The following IPO13 variants were observed in gnomAD, a reference collection of about 807,000 sequenced individuals.
IPO13 encodes importin-13.
In IPO13, 28 loss-of-function variants were observed where a neutral mutation model predicts 115.5. That is an observed-to-expected ratio of 0.24 (90% CI 0.18 to 0.33). IPO13 has a LOEUF of 0.33. Ranked by LOEUF, IPO13 falls within the 10% of genes least tolerant of loss-of-function variation. The pLI is 1.00. For missense variants in IPO13, 785 were observed against 1,204.6 expected, an observed-to-expected ratio of 0.65 and a Z score of 5.16; for synonymous variants, 414 against 478.9, an observed-to-expected ratio of 0.86 and a Z score of 1.77.
chr1:43,958,373 CTGTTT>C lies in IPO13; in HGVS notation c.1750-86_1750-82del. The C allele has an allele frequency of 6.2e-7, 1 of 1,608,898 alleles. No individual in the cohort carries two copies. The highest frequency in any genetic ancestry group is 1.1e-5 in the South Asian group (1 of 90,888). On this transcript the variant is annotated intron_variant, in intron 9 of 19. Transcript: ENST00000372343. The surrounding 1 kb of genome is among the most constrained non-coding windows in gnomAD (Gnocchi z 6.3). ...TCCCCTTCCTCTTATCCCTTATTCT[CTGTTT>C]TTCTTCTCCCAAGAGGCTCATTTTC...
At chr1:43,960,454 A>G (rs2085281968) in intron 12 of IPO13, 125 bp downstream of exon 12, 1 of 848,592 alleles carries the variant, frequency 1.2e-6, no homozygotes, top group African/African-American at 1.7e-5. Flanking sequence ...ATCCTGCCCC[A>G]TAGAGATAAG....
Position 43,956,258 on chromosome 1 carries a change from C to T in IPO13, c.822-62C>T, listed in dbSNP as rs540383497. Reference sequence around the variant, plus strand: ...GAAGACAAGGAGATTATGCCTTTCTCTTAAAGCCAGTGTGGGGTTGAGCAG... The same window carrying T: ...GAAGACAAGGAGATTATGCCTTTCTTTTAAAGCCAGTGTGGGGTTGAGCAG... On this transcript the variant is annotated intron_variant, in intron 2 of 19. Transcript: ENST00000372343. The surrounding 1 kb of genome is among the most constrained non-coding windows in gnomAD (Gnocchi z 4.7). 9.4e-6 allele frequency: 15 copies of T among 1,589,538 alleles called. No homozygotes were observed. The highest frequency in any genetic ancestry group is 1.2e-5 in the Non-Finnish European group (14 of 1,162,262).
At chr1:43,950,469 C>G (rs961877992) in intron 2 of IPO13, among the ~76,000 whole-genome samples, 1 of 152,194 alleles carries the variant, frequency 6.6e-6, no homozygotes, top group Non-Finnish European at 1.5e-5. Context: ...TTGCTACCAC[C>G]TTAGTCCAAG....
Position 43,958,481 on chromosome 1 carries a change from G to C in IPO13, c.1770G>C (p.Leu590=), listed in dbSNP as rs149195232. 113 of 1,614,036 alleles carry C rather than the reference G, an allele frequency of 7.0e-5. No homozygotes were observed. Among genetic ancestry groups the C allele is most frequent in the Non-Finnish European group, 9.2e-5 (109 of 1,180,038 alleles). Reference sequence around the variant, plus strand: ...CACAGACAAGCCAGTGCATGTGGCTGATGCAGGCGCTGGGCTTCCTGCTGT... The same window carrying C: ...CACAGACAAGCCAGTGCATGTGGCTCATGCAGGCGCTGGGCTTCCTGCTGT... The part of the protein sequence containing the change: ...QIHKTSQCMW[L]MQALGFLLSA... Residue 590 remains leucine, a synonymous_variant, in exon 10 of 20, where the codon CTG becomes CTC. Transcript: ENST00000372343. This position sits in a 1 kb window ranked among gnomAD's most constrained non-coding sequence, Gnocchi z 6.3.
intron 15 of IPO13, among the ~76,000 whole-genome samples, chr1:43,964,720 C>T (rs2085310760): frequency 6.6e-6 from 1 of 152,134 alleles, no homozygotes; most frequent in African/African-American, 2.4e-5. Context: ...GCCTCAGTGC[C>T]CCCAGCCTGC....
At chr1:43,964,235 T>A in intron 14 of IPO13, 34 bp from the exon 15 acceptor site, 1 of 1,516,778 alleles carries the variant, frequency 6.6e-7, no homozygotes, top group Non-Finnish European at 9.1e-7. Context: ...GTTTGTATAA[T>A]TTTTTCTTAA....
In IPO13 at chr1:43,958,418, A is replaced by G. The variant is rs1311976200; in HGVS notation, c.1750-43A>G. ...GGCTCATTTTCCTTCCTACCCCACA[A>G]CTAGATGTGGCCAGGACTGACCATC... On this transcript the variant is annotated intron_variant, in intron 9 of 19. Coordinates refer to ENST00000372343, the MANE Select transcript of IPO13 (RefSeq NM_014652.4). This position sits in a 1 kb window ranked among gnomAD's most constrained non-coding sequence, Gnocchi z 6.3. 1 of 1,612,354 alleles carries G rather than the reference A, an allele frequency of 6.2e-7. No homozygotes were observed. The highest frequency in any genetic ancestry group is 2.2e-5 in the East Asian group (1 of 44,862).
intron 1 of IPO13, among the ~76,000 whole-genome samples, chr1:43,949,151 T>C (rs758220714): frequency 6.6e-6 from 1 of 152,230 alleles, no homozygotes; most frequent in Non-Finnish European, 1.5e-5. Flanking sequence ...TCCTCTTTTT[T>C]GCTTTCCTGT....
At chr1:43,961,101 A>G (rs1571770050) in intron 13 of IPO13, 65 bp from the exon 14 acceptor site, 1 of 1,607,576 alleles carries the variant, frequency 6.2e-7, no homozygotes. Context: ...CTTGCATTCC[A>G]GGGATATTGC....
chr1:43,957,134 T>C (rs2085256409), intron 5 of IPO13, 61 bp from the exon 6 acceptor site: 1 of 1,592,448 alleles, frequency 6.3e-7, no homozygotes, highest in Non-Finnish European at 8.6e-7. Context: ...GCTCCTGGGC[T>C]TGGGGGCAGG....
intron 11 of IPO13, among the ~76,000 whole-genome samples, chr1:43,959,670 C>T (rs1302469214): frequency 2.0e-5 from 3 of 152,214 alleles, no homozygotes; most frequent in Non-Finnish European, 4.4e-5. Context: ...CTCTGCTTAA[C>T]TCCCCAACCC....
rs545259245 is a variant in IPO13, at chr1:43,958,944, C to G, written c.2028+55C>G. ...TTTGTCTTTGCCATCCCCCCAACCC[C>G]CACCTGTGGGAATGTCATTGTCACT... On this transcript the variant is annotated intron_variant, in intron 11 of 19. Transcript: ENST00000372343. This position sits in a 1 kb window ranked among gnomAD's most constrained non-coding sequence, Gnocchi z 6.3. 211 of 1,532,704 alleles carry G rather than the reference C, an allele frequency of 1.4e-4. No individual in the cohort carries two copies. The highest frequency in any genetic ancestry group is 1.9e-4 in the Non-Finnish European group (210 of 1,110,944). The allele number at this position is 1,532,704 out of a possible 1,614,324, so 94.9% of individuals were successfully genotyped here. A position where few individuals can be genotyped will look rare whatever the true frequency, so the allele number is the denominator to read the frequency against.
rs1337447953 is a variant in IPO13 at position 43,961,152 on chromosome 1, C to T, written c.2248-14C>T. 1.2e-6 allele frequency: 2 copies of T among 1,612,422 alleles called. No homozygotes were observed. Among genetic ancestry groups the T allele is most frequent in the African/African-American group, 1.3e-5 (1 of 75,010 alleles). On this transcript the variant is annotated splice_polypyrimidine_tract_variant and intron_variant, in intron 13 of 19. Coordinates refer to ENST00000372343, the MANE Select transcript of IPO13 (RefSeq NM_014652.4). Reference sequence around the variant, plus strand: ...CTGGGTCTCAGCTGACCAGCATTCCCTGCTTTCTCGTAGCTGGTCCACATC... The same window carrying T: ...CTGGGTCTCAGCTGACCAGCATTCCTTGCTTTCTCGTAGCTGGTCCACATC...
In IPO13 at chr1:43,966,114, G is replaced by C. The variant is rs1016173562; in HGVS notation, c.2398-461G>C. On this transcript the variant is annotated intron_variant, in intron 15 of 19. Transcript: ENST00000372343. The surrounding 1 kb of genome is among the most constrained non-coding windows in gnomAD (Gnocchi z 4.1). ...GCTGGAGGGTGCCTCAGGAATACAG[G>C]AGGGACATGGGAGGAGGGCTGTTGG... is the stretch of plus-strand genomic sequence containing the variant. 1 of 229,512 alleles carries C rather than the reference G, an allele frequency of 4.4e-6. No individual in the cohort carries two copies. Among genetic ancestry groups the C allele is most frequent in the African/African-American group, 2.2e-5 (1 of 44,490 alleles). 14.2% of individuals were successfully genotyped at this position (229,512 alleles called of 1,614,324 possible). A position where few individuals can be genotyped will look rare whatever the true frequency, so the allele number is the denominator to read the frequency against.
At chr1:43,951,687 TAGA>T (rs1557630671) in intron 2 of IPO13, among the ~76,000 whole-genome samples, 2 of 152,184 alleles carry the variant, frequency 1.3e-5, no homozygotes, top group African/African-American at 2.4e-5. Context: ...TGAGCTGGAT[TAGA>T]AGAAGTGAGA....
Position 43,956,534 on chromosome 1 carries a change from G to T in IPO13, c.963-26G>T, listed in dbSNP as rs371349433. 1.7e-4 allele frequency: 267 copies of T among 1,614,018 alleles called. No individual in the cohort carries two copies. The highest frequency in any genetic ancestry group is 2.1e-4 in the Non-Finnish European group (248 of 1,180,012). ...TGGGGTTCTGGAAGTCCCTGGAAAG[G>T]TAGAATGACCTGACTCTCTCCCCAG... On this transcript the variant is annotated intron_variant, in intron 3 of 19. Transcript: ENST00000372343. The surrounding 1 kb of genome is among the most constrained non-coding windows in gnomAD (Gnocchi z 4.7).
In IPO13 at chr1:43,956,984, T is replaced by C. The variant is rs1192688387; in HGVS notation, c.1271+8T>C. ...GCAGTTCCGAATTTACAGGTGATGG[T>C]AGCAGGCCAACTCCTCTAAAATGGA... On this transcript the variant is annotated splice_region_variant and intron_variant, in intron 5 of 19. Transcript: ENST00000372343. The surrounding 1 kb of genome is among the most constrained non-coding windows in gnomAD (Gnocchi z 4.7). The C allele has an allele frequency of 1.9e-6, 3 of 1,613,564 alleles. No individual in the cohort carries two copies. Among genetic ancestry groups the C allele is most frequent in the East Asian group, 2.2e-5 (1 of 44,882 alleles).
At position 43,946,984 on chromosome 1, in the gene IPO13, G is replaced by T. The variant is rs1557628930; in HGVS notation, c.-617G>T. 5.0e-6 allele frequency: 2 copies of T among 398,656 alleles called. No individual in the cohort carries two copies. Among genetic ancestry groups the T allele is most frequent in the Non-Finnish European group, 8.8e-6 (2 of 226,118 alleles). The allele number at this position is 398,656 out of a possible 1,614,324, so 24.7% of individuals were successfully genotyped here. A position where few individuals can be genotyped will look rare whatever the true frequency, so the allele number is the denominator to read the frequency against. ...GTCAGTCACTGGGGCGGAGGCAGCG[G>T]CTGTAGCGGGGCTGTAGCCGGGCGT... On this transcript the variant is annotated 5_prime_UTR_variant, in exon 1 of 20. Transcript: ENST00000372343.
At position 43,961,195 on chromosome 1, in the gene IPO13, C is replaced by T. The variant is rs1384955209; in HGVS notation, c.2277C>T (p.Ala759=). Residue 759 remains alanine, a synonymous_variant, in exon 14 of 20, where the codon GCC becomes GCT. Transcript: ENST00000372343. ...TCCACATCTTTGCTCATGAGCCTGC[C>T]CACTTTCCCCCAATTGAGGCCCTCT... ...QLVHIFAHEP[A]HFPPIEALFL... is the part of the protein sequence containing the mutation. The T allele has an allele frequency of 1.9e-6, 3 of 1,614,016 alleles. No individual in the cohort carries two copies. Among genetic ancestry groups the T allele is most frequent in the Non-Finnish European group, 2.5e-6 (3 of 1,180,000 alleles).
Sources: gnomAD v4.1 joint callset for allele counts (sites outside exome capture counted in the v4.1 genomes callset) on GRCh38, gnomAD v4.1.1 for gene constraint, Gnocchi (gnomAD v3.1) non-coding constraint, MANE v1.5 for transcripts, NCBI Gene and HGNC (gene_info 2026-07-23, HGNC 2026-07-21) for gene names.